TJP1: variants seen among roughly 807,000 people sequenced by gnomAD.
TJP1 encodes tight junction protein 1, also known as tight junction protein ZO-1.
A neutral mutation model predicts 194.2 loss-of-function variants in TJP1; 43 were observed. The observed-to-expected ratio is 0.22, with a 90% CI of 0.17 to 0.29. The LOEUF (loss-of-function observed/expected upper bound fraction) is 0.29, where lower values mean the gene tolerates loss of function less well. Ranked by LOEUF, TJP1 falls within the 10% of genes least tolerant of loss-of-function variation. The probability of loss-of-function intolerance (pLI) is 1.00; values close to 1 mark genes in which losing one functional copy is unlikely to be tolerated. For synonymous variants in TJP1, 801 were observed against 779.0 expected (o/e 1.03, Z -0.47); for missense variants, 1,971 against 2,185.7 (o/e 0.90, Z 1.96).
At chr15:29,858,977 G>A (rs2152097575) in intron 2 of TJP1, among the ~76,000 whole-genome samples, 1 of 152,244 alleles carries the variant, frequency 6.6e-6, no homozygotes, top group African/African-American at 2.4e-5. Context: ...ACTAGTACGA[G>A]CCACTGTGCC....
Position 29,716,855 on chromosome 15 carries a change from G to C in TJP1, c.3975-17C>G. On this transcript the variant is annotated splice_polypyrimidine_tract_variant and intron_variant, in intron 22 of 27. Transcript: ENST00000614355. ...TCTGGGATCCTAACAGATAATGAAT[G>C]ACAAACGGAACACCTTTTTAAATAT... 1 of 1,569,136 alleles carries C rather than the reference G, an allele frequency of 6.4e-7. No homozygotes were observed. Among genetic ancestry groups the C allele is most frequent in the Non-Finnish European group, 8.7e-7 (1 of 1,146,340 alleles).
chr15:29,925,232 C>T (rs897806434), intron 2 of TJP1, among the ~76,000 whole-genome samples: 1 of 152,204 alleles, frequency 6.6e-6, no homozygotes, highest in Non-Finnish European at 1.5e-5. Context: ...GCAAAATTTA[C>T]CTTTCTTTCA....
intron 2 of TJP1, among the ~76,000 whole-genome samples, chr15:29,953,680 A>G (rs1306248675): frequency 6.6e-6 from 1 of 152,214 alleles, no homozygotes. Context: ...CAATCTAAAA[A>G]CATGCAGAGT....
intron 15 of TJP1, among the ~76,000 whole-genome samples, chr15:29,731,793 A>G (rs1226614520): frequency 6.6e-6 from 1 of 151,788 alleles, no homozygotes; most frequent in Non-Finnish European, 1.5e-5. Context: ...AGCTGGATAC[A>G]GTTTGGCTTG....
At chr15:29,757,733 T>TATA (rs2045736374) in intron 8 of TJP1, among the ~76,000 whole-genome samples, 1 of 152,212 alleles carries the variant, frequency 6.6e-6, no homozygotes, top group Non-Finnish European at 1.5e-5. Flanking sequence ...CCTTTTCTTT[T>TATA]ATACACTATA....
At chr15:29,716,907 T>A in intron 22 of TJP1, 69 bp from the exon 23 acceptor site, 1 of 1,357,664 alleles carries the variant, frequency 7.4e-7, no homozygotes, top group African/African-American at 1.5e-5. Flanking sequence ...GTAGAATATG[T>A]AAGTCTTATC....
chr15:29,779,853 G>A (rs2047244181), intron 2 of TJP1, among the ~76,000 whole-genome samples: 1 of 152,096 alleles, frequency 6.6e-6, no homozygotes, highest in Admixed American at 6.5e-5. Context: ...GGGGGTCAAT[G>A]TATCCCCCTT....
chr15:29,820,577 C>T (rs1384859551), intron 1 of TJP1: 2 of 716,608 alleles, frequency 2.8e-6, no homozygotes, highest in Non-Finnish European at 2.6e-6. Flanking sequence ...CTTGAAATAA[C>T]CTCTTAAAAA....
At chr15:29,860,739 T>C (rs1176639768) in intron 2 of TJP1, among the ~76,000 whole-genome samples, 1 of 152,204 alleles carries the variant, frequency 6.6e-6, no homozygotes, top group East Asian at 1.9e-4. Flanking sequence ...GCATACCTCA[T>C]TTTGTTGTGC....
At chr15:29,920,588 C>T (rs553439630) in intron 2 of TJP1, among the ~76,000 whole-genome samples, 9 of 152,320 alleles carry the variant, frequency 5.9e-5, no homozygotes, top group Admixed American at 2.0e-4. Flanking sequence ...ATCTCCTTTC[C>T]GTTACCTATC....
intron 2 of TJP1, among the ~76,000 whole-genome samples, chr15:29,843,128 C>G (rs1035986112): frequency 3.9e-5 from 6 of 151,930 alleles, no homozygotes; most frequent in African/African-American, 1.5e-4. Context: ...CTGCTATTTG[C>G]TATTGATTGC....
chr15:29,812,713 T>C (rs2049610517), intron 1 of TJP1, among the ~76,000 whole-genome samples: 1 of 152,210 alleles, frequency 6.6e-6, no homozygotes, highest in African/African-American at 2.4e-5. Flanking sequence ...TAACCTCAGA[T>C]CCTTCACCTG....
chr15:29,797,313 C>A (rs1472381043), intron 2 of TJP1, among the ~76,000 whole-genome samples: 1 of 152,118 alleles, frequency 6.6e-6, no homozygotes, highest in Non-Finnish European at 1.5e-5. Context: ...ACACTCCCAG[C>A]TAATTTTTGT....
intron 10 of TJP1, among the ~76,000 whole-genome samples, chr15:29,739,157 C>A (rs2044231876): frequency 6.6e-6 from 1 of 152,142 alleles, no homozygotes; most frequent in South Asian, 2.1e-4. Context: ...GCACAGTATC[C>A]ACCCTTTAGT....
At chr15:29,759,479 T>C (rs1409983083) in intron 8 of TJP1, 1 of 152,162 alleles carries the variant, frequency 6.6e-6, no homozygotes, top group East Asian at 1.9e-4. Flanking sequence ...TCTTAGTGTG[T>C]GTCAAAAGAA....
At chr15:29,854,427 A>AT (rs1862738601) in intron 2 of TJP1, among the ~76,000 whole-genome samples, 2 of 152,160 alleles carry the variant, frequency 1.3e-5, no homozygotes, top group Non-Finnish European at 2.9e-5. Flanking sequence ...AAATGTCCTT[A>AT]TAAGAGGGAG....
chr15:29,942,215 G>A (rs554486169), intron 2 of TJP1, among the ~76,000 whole-genome samples: 1 of 152,292 alleles, frequency 6.6e-6, no homozygotes, highest in African/African-American at 2.4e-5. Flanking sequence ...CCTAAAGTCA[G>A]AGTCAATAAG....
intron 4 of TJP1, among the ~76,000 whole-genome samples, chr15:29,771,155 A>T (rs1176763431): frequency 6.6e-6 from 1 of 152,236 alleles, no homozygotes; most frequent in East Asian, 1.9e-4. Context: ...TATCCAGAAC[A>T]GTAACATAAT....
chr15:29,956,938 G>A (rs1239288880), intron 1 of TJP1, among the ~76,000 whole-genome samples: 2 of 152,028 alleles, frequency 1.3e-5, no homozygotes, highest in East Asian at 3.9e-4. Flanking sequence ...TACAACTATT[G>A]AAGAAGCCAT....
Sources: gnomAD v4.1 joint callset for allele counts (sites outside exome capture counted in the v4.1 genomes callset) on GRCh38, gnomAD v4.1.1 for gene constraint, MANE v1.5 for transcripts, NCBI Gene and HGNC (gene_info 2026-07-23, HGNC 2026-07-21) for gene names.